LRP1B: variants seen among roughly 807,000 people sequenced by gnomAD.
LRP1B encodes the protein low-density lipoprotein receptor-related protein 1B.
Under a neutral mutation model 556.6 loss-of-function variants are expected in LRP1B, and 217 were observed. The ratio of observed to expected loss-of-function variants is 0.39; its 90% CI spans 0.35 to 0.44. LRP1B has a LOEUF of 0.44. Ranked by LOEUF, LRP1B falls within the 20% of genes least tolerant of loss-of-function variation. The pLI is 1.00. For synonymous variants in LRP1B, 2,047 were observed against 1,865.8 expected, an observed-to-expected ratio of 1.10 and a Z score of -2.50; for missense variants, 5,053 against 5,620.8, an observed-to-expected ratio of 0.90 and a Z score of 3.23.
chr2:141,142,289 T>C (rs1222417079), intron 7 of LRP1B, among the ~76,000 whole-genome samples: 2 of 152,186 alleles, frequency 1.3e-5, no homozygotes, highest in South Asian at 4.1e-4. Context: ...ACACTAATGA[T>C]TGGGCTTATT....
At chr2:140,747,146 G>T (rs1454555351) in intron 35 of LRP1B, among the ~76,000 whole-genome samples, 1 of 152,084 alleles carries the variant, frequency 6.6e-6, no homozygotes, top group Non-Finnish European at 1.5e-5. Flanking sequence ...CATCAATATT[G>T]CTCGTGAATC....
intron 1 of LRP1B, among the ~76,000 whole-genome samples, chr2:141,933,873 G>T (rs1294337895): frequency 6.6e-6 from 1 of 151,976 alleles, no homozygotes; most frequent in African/African-American, 2.4e-5. Context: ...AAATTCATGA[G>T]TAATATGATC....
At chr2:142,112,419 T>C (rs1201608899) in intron 1 of LRP1B, among the ~76,000 whole-genome samples, 2 of 151,804 alleles carry the variant, frequency 1.3e-5, no homozygotes, top group African/African-American at 2.4e-5. Flanking sequence ...TATGTAGTAG[T>C]TAAAAGGAAA....
chr2:140,371,664 A>C (rs921779088), intron 69 of LRP1B, among the ~76,000 whole-genome samples: 13 of 151,728 alleles, frequency 8.6e-5, no homozygotes, highest in African/African-American at 2.9e-4. Context: ...TGAAGTCTCC[A>C]AATACTTTCA....
chr2:140,637,865 G>A (rs1426683205), intron 41 of LRP1B, among the ~76,000 whole-genome samples: 1 of 152,106 alleles, frequency 6.6e-6, no homozygotes, highest in Non-Finnish European at 1.5e-5. Flanking sequence ...ATTTGACCAT[G>A]TTAAAGTTGT....
intron 18 of LRP1B, among the ~76,000 whole-genome samples, chr2:140,953,516 T>C (rs1695782544): frequency 6.6e-6 from 1 of 152,266 alleles, no homozygotes. Flanking sequence ...GCAGAGAATA[T>C]TTGTAAAATA....
At chr2:140,823,278 T>C (rs1038407791) in intron 31 of LRP1B, among the ~76,000 whole-genome samples, 3 of 120,708 alleles carry the variant, frequency 2.5e-5, no homozygotes, top group African/African-American at 5.5e-5. Flanking sequence ...AGAAATTCAA[T>C]TGAACAGTGG....
intron 1 of LRP1B, among the ~76,000 whole-genome samples, chr2:142,115,443 C>T (rs1223790421): frequency 5.0e-5 from 6 of 120,850 alleles, no homozygotes; most frequent in South Asian, 2.3e-4. Context: ...AATAAAATAT[C>T]TGTGAGTCTA....
At chr2:140,443,793 A>G (rs1354620508) in intron 65 of LRP1B, among the ~76,000 whole-genome samples, 1 of 152,184 alleles carries the variant, frequency 6.6e-6, no homozygotes, top group Non-Finnish European at 1.5e-5. Context: ...ATATTTTACT[A>G]TTATTCTTTC....
chr2:140,832,951 T>C (rs549853548), intron 31 of LRP1B, among the ~76,000 whole-genome samples: 70 of 152,346 alleles, frequency 4.6e-4, no homozygotes, highest in African/African-American at 1.7e-3. Context: ...CTTGATTTAA[T>C]CTTTACATAT....
rs61535948 is a variant in LRP1B, at chr2:140,775,467, ATTTTT to A, written c.5500+626_5500+630del. ...AGTACAGTATATTTTTTTTTGGTTG[ATTTTT>A]TTTTTTTTTTTTTTTTTTAGAAAGA... On this transcript the variant is annotated intron_variant, in intron 33 of 90. Transcript: ENST00000389484. Among the ~76,000 whole-genome samples the A allele has an allele frequency of 9.0e-5, 10 of 111,192 alleles. No homozygotes were observed. In the South Asian group the frequency reaches 9.9e-4, roughly 11 times the overall value. The allele number at this position is 111,192 out of a possible 152,430, so 72.9% of individuals were successfully genotyped here. A position where few individuals can be genotyped will look rare whatever the true frequency, so the allele number is the denominator to read the frequency against.
intron 7 of LRP1B, among the ~76,000 whole-genome samples, chr2:141,185,424 C>T (rs780774162): frequency 6.6e-5 from 10 of 151,866 alleles, no homozygotes; most frequent in South Asian, 4.1e-4. Context: ...GAAATAATTT[C>T]GGAAAGTTTT....
chr2:140,552,656 C>T (rs1051517661), intron 43 of LRP1B, among the ~76,000 whole-genome samples: 6 of 152,046 alleles, frequency 3.9e-5, no homozygotes, highest in Admixed American at 6.6e-5. Context: ...TTATGTAGAG[C>T]GCAGAAGCCT....
At position 140,901,085 on chromosome 2, in the gene LRP1B, T is replaced by C. The variant is rs1022046489; in HGVS notation, c.3766+1835A>G. Among the ~76,000 whole-genome samples the C allele has an allele frequency of 5.9e-5, 9 of 152,228 alleles. No individual in the cohort carries two copies. In the East Asian group the frequency reaches 9.6e-4, roughly 16 times the overall value. On this transcript the variant is annotated intron_variant, in intron 23 of 90. Coordinates refer to ENST00000389484, the MANE Select transcript of LRP1B (RefSeq NM_018557.3). ...TACATAGTAGGGGTTATAGTAGTAG[T>C]ATATTTATAGGTTATGTGGAGGCCT...
intron 3 of LRP1B, among the ~76,000 whole-genome samples, chr2:141,344,783 T>C (rs566447581): frequency 6.6e-6 from 1 of 152,320 alleles, no homozygotes; most frequent in East Asian, 1.9e-4. Context: ...TATGAATGAA[T>C]ACATGATTAT....
intron 5 of LRP1B, among the ~76,000 whole-genome samples, chr2:141,231,022 A>G (rs1456657315): frequency 2.0e-5 from 3 of 152,254 alleles, no homozygotes; most frequent in African/African-American, 4.8e-5. Context: ...TTCTCACACC[A>G]GAAGACTTTA....
intron 6 of LRP1B, among the ~76,000 whole-genome samples, chr2:141,214,696 G>A (rs562188792): frequency 4.6e-5 from 7 of 152,288 alleles, no homozygotes; most frequent in African/African-American, 1.7e-4. Context: ...GCATTAAGCT[G>A]TTCCTATGTT....
intron 31 of LRP1B, among the ~76,000 whole-genome samples, chr2:140,826,194 A>T (rs1010998785): frequency 6.6e-6 from 1 of 152,162 alleles, no homozygotes; most frequent in African/African-American, 2.4e-5. Flanking sequence ...AACAAATAAC[A>T]TATATGTAGG....
intron 66 of LRP1B, among the ~76,000 whole-genome samples, chr2:140,404,296 T>TGAGTA (rs1174854194): frequency 3.4e-5 from 5 of 147,342 alleles, no homozygotes; most frequent in African/African-American, 1.3e-4. Flanking sequence ...TGCCTCAGCC[T>TGAGTA]CCCGAGTAGC....
Sources: allele counts gnomAD v4.1 joint callset (sites outside exome capture counted in the v4.1 genomes callset), GRCh38; gene constraint gnomAD v4.1.1; transcripts MANE v1.5; gene names NCBI Gene and HGNC (gene_info 2026-07-23, HGNC 2026-07-21).